RIMS1: variants seen among roughly 807,000 people sequenced by gnomAD.
RIMS1 encodes regulating synaptic membrane exocytosis 1.
A neutral mutation model predicts 214.1 loss-of-function variants in RIMS1; 83 were observed. The observed-to-expected ratio is 0.39, with a 90% CI of 0.32 to 0.47. The LOEUF is 0.47. RIMS1 is among the 20% of genes least tolerant of loss of function. RIMS1 has a pLI of 0.99. For synonymous variants in RIMS1, 793 were observed against 786.8 expected, an observed-to-expected ratio of 1.01 and a Z score of -0.13; for missense variants, 2,050 against 2,161.8, an observed-to-expected ratio of 0.95 and a Z score of 1.03.
chr6:71,924,069 T>C (rs1428853303), intron 1 of RIMS1, among the ~76,000 whole-genome samples: 1 of 152,200 alleles, frequency 6.6e-6, no homozygotes, highest in Non-Finnish European at 1.5e-5. Flanking sequence ...AATTGTTTGT[T>C]TGATTGTAGT....
intron 2 of RIMS1, among the ~76,000 whole-genome samples, chr6:72,047,095 C>A (rs484596): frequency 0.45 from 67,710 of 151,944 alleles, 15,453 homozygotes; most frequent in East Asian, 0.66. Flanking sequence ...TTTACAGTGT[C>A]CTGTGTAAAG....
At chr6:72,282,593 C>A (rs1364925911) in intron 23 of RIMS1, among the ~76,000 whole-genome samples, 2 of 152,102 alleles carry the variant, frequency 1.3e-5, no homozygotes, top group African/African-American at 4.8e-5. Context: ...TAGTATAGAA[C>A]AGAAACAGCT....
At chr6:72,350,794 T>C (rs940754087) in intron 29 of RIMS1, among the ~76,000 whole-genome samples, 8 of 152,160 alleles carry the variant, frequency 5.3e-5, no homozygotes, top group Non-Finnish European at 1.0e-4. Context: ...TCTTTCTTTA[T>C]AGAACTTTAG....
At chr6:72,201,788 G>T (rs1362680732) in intron 6 of RIMS1, among the ~76,000 whole-genome samples, 1 of 152,122 alleles carries the variant, frequency 6.6e-6, no homozygotes, top group Non-Finnish European at 1.5e-5. Context: ...CCAGAGTTGT[G>T]CCTTGTTTTG....
In RIMS1 at chr6:72,255,168, A is replaced by C. The variant is rs74384272; in HGVS notation, c.2770+2336A>C. Reference sequence around the variant, plus strand: ...AATACATTTTAAATGAAGAGGAAAAATGAGTCAGTAAAATAAGGGCAAGAA... The same window carrying C: ...AATACATTTTAAATGAAGAGGAAAACTGAGTCAGTAAAATAAGGGCAAGAA... On this transcript the variant is annotated intron_variant, in intron 16 of 33. Coordinates refer to ENST00000521978, the MANE Select transcript of RIMS1 (RefSeq NM_014989.7). 3.3e-5 allele frequency among the ~76,000 whole-genome samples: 5 copies of C among 152,198 alleles called. No homozygotes were observed. In the East Asian group the frequency reaches 9.6e-4, roughly 29 times the overall value.
At chr6:72,204,021 G>A (rs1210569707) in intron 6 of RIMS1, among the ~76,000 whole-genome samples, 4 of 152,158 alleles carry the variant, frequency 2.6e-5, no homozygotes, top group Non-Finnish European at 5.9e-5. Context: ...TTTAACTTAT[G>A]TTTGGGGAAT....
At chr6:72,283,799 C>T (rs1372590300) in intron 23 of RIMS1, among the ~76,000 whole-genome samples, 2 of 152,152 alleles carry the variant, frequency 1.3e-5, no homozygotes, top group Non-Finnish European at 2.9e-5. Flanking sequence ...CTTGTCTAGA[C>T]TAATGAAATG....
chr6:72,022,359 C>T (rs1045528332), intron 2 of RIMS1, among the ~76,000 whole-genome samples: 13 of 151,966 alleles, frequency 8.6e-5, no homozygotes, highest in East Asian at 1.9e-4. Context: ...CAAACTTGGG[C>T]GTTATCATTA....
At chr6:72,178,660 G>A (rs946002182) in intron 4 of RIMS1, among the ~76,000 whole-genome samples, 2 of 152,194 alleles carry the variant, frequency 1.3e-5, no homozygotes, top group Non-Finnish European at 2.9e-5. Flanking sequence ...GAGGTACTGA[G>A]GATATTTGAA....
chr6:72,031,086 T>A (rs867701550), intron 2 of RIMS1, among the ~76,000 whole-genome samples: 1 of 152,188 alleles, frequency 6.6e-6, no homozygotes, highest in Non-Finnish European at 1.5e-5. Flanking sequence ...TAACATTATA[T>A]CTTGTAATTA....
At chr6:72,051,522 T>C (rs918093451) in intron 2 of RIMS1, among the ~76,000 whole-genome samples, 1 of 152,180 alleles carries the variant, frequency 6.6e-6, no homozygotes, top group Non-Finnish European at 1.5e-5. Flanking sequence ...CTACTTCCTC[T>C]TGACGCTTGT....
At chr6:72,379,347 A>G (rs948228603) in intron 29 of RIMS1, among the ~76,000 whole-genome samples, 2 of 152,188 alleles carry the variant, frequency 1.3e-5, no homozygotes, top group African/African-American at 4.8e-5. Flanking sequence ...TCCCACCATC[A>G]TGTCCCCATG....
chr6:72,274,682 T>C (rs2085260509), intron 23 of RIMS1, among the ~76,000 whole-genome samples: 1 of 152,154 alleles, frequency 6.6e-6, no homozygotes, highest in Non-Finnish European at 1.5e-5. Flanking sequence ...TTGAAGAGCA[T>C]TTGATTGTGT....
At chr6:72,039,648 T>C (rs1036013000) in intron 2 of RIMS1, among the ~76,000 whole-genome samples, 6 of 152,090 alleles carry the variant, frequency 3.9e-5, no homozygotes, top group African/African-American at 1.4e-4. Flanking sequence ...CAGGGGAGTT[T>C]TGGGACAAAA....
intron 2 of RIMS1, among the ~76,000 whole-genome samples, chr6:72,086,572 C>T (rs1834712863): frequency 6.6e-6 from 1 of 152,138 alleles, no homozygotes; most frequent in Non-Finnish European, 1.5e-5. Flanking sequence ...TCAAGACCTT[C>T]TTATGCTACT....
intron 6 of RIMS1, chr6:72,216,893 A>C: frequency 9.0e-7 from 1 of 1,113,012 alleles, no homozygotes; most frequent in Non-Finnish European, 1.1e-6. Flanking sequence ...GAGCCACTTT[A>C]GTACAGCACA....
intron 29 of RIMS1, among the ~76,000 whole-genome samples, chr6:72,355,256 T>A (rs1272945436): frequency 6.6e-6 from 1 of 152,178 alleles, no homozygotes; most frequent in African/African-American, 2.4e-5. Flanking sequence ...TCTCTAAACT[T>A]CATCTTTCAC....
At chr6:71,998,541 A>G (rs1225920124) in intron 2 of RIMS1, among the ~76,000 whole-genome samples, 2 of 152,196 alleles carry the variant, frequency 1.3e-5, no homozygotes, top group Non-Finnish European at 2.9e-5. Context: ...TCCCTGTTCA[A>G]TATTTAGAAT....
intron 28 of RIMS1, among the ~76,000 whole-genome samples, chr6:72,329,474 GA>G (rs1449393907): frequency 1.3e-5 from 2 of 150,956 alleles, no homozygotes; most frequent in African/African-American, 2.4e-5. Context: ...CTAAGTCAAT[GA>G]AACTATGACT....
Sources: gnomAD v4.1 joint callset for allele counts (sites outside exome capture counted in the v4.1 genomes callset) on GRCh38, gnomAD v4.1.1 for gene constraint, MANE v1.5 for transcripts, NCBI Gene and HGNC (gene_info 2026-07-23, HGNC 2026-07-21) for gene names.